Variants in ARHGEF4 observed in about 807,000 individuals in gnomAD.
The protein encoded by ARHGEF4 is APC-stimulated guanine nucleotide exchange factor 1.
ARHGEF4 carries 119 observed loss-of-function variants against 162.0 expected under a neutral mutation model. That is an observed-to-expected ratio of 0.73 (90% CI 0.63 to 0.86). ARHGEF4 has a LOEUF of 0.86. ARHGEF4 is among the 40% of genes least tolerant of loss of function. The probability of loss-of-function intolerance (pLI) is 0.00; values close to 1 mark genes in which losing one functional copy is unlikely to be tolerated. For missense variants in ARHGEF4, 2,488 were observed against 2,456.0 expected (o/e 1.01, Z -0.28); for synonymous variants, 1,014 against 979.9 (o/e 1.03, Z -0.65).
intron 3 of ARHGEF4, among the ~76,000 whole-genome samples, chr2:130,940,308 T>A (rs1412225039): frequency 2.0e-5 from 3 of 152,076 alleles, no homozygotes; most frequent in Admixed American, 6.6e-5. Flanking sequence ...GGAGACACTT[T>A]CCTAAGAATG....
chr2:131,045,975 C>A, intron 13 of ARHGEF4, 63 bp from the exon 14 acceptor site: 2 of 1,559,558 alleles, frequency 1.3e-6, no homozygotes, highest in Admixed American at 3.5e-5. Context: ...ATGCTGTCCC[C>A]AACAGCTGGG....
intron 1 of ARHGEF4, among the ~76,000 whole-genome samples, chr2:130,864,336 A>G (rs1682110428): frequency 6.6e-6 from 1 of 151,354 alleles, no homozygotes; most frequent in Non-Finnish European, 1.5e-5. Context: ...ACCCAGGATC[A>G]GCAGGTCTAT....
intron 1 of ARHGEF4, among the ~76,000 whole-genome samples, chr2:130,874,388 G>A (rs1383582700): frequency 3.9e-5 from 6 of 152,208 alleles, no homozygotes; most frequent in Admixed American, 3.3e-4. Context: ...ACATGGCCAG[G>A]CCCTCCTCAG....
chr2:130,923,238 A>G (rs1019149933), intron 2 of ARHGEF4, among the ~76,000 whole-genome samples: 1 of 152,138 alleles, frequency 6.6e-6, no homozygotes, highest in African/African-American at 2.4e-5. Context: ...GCATAATGAT[A>G]TCTTTTGATG....
chr2:131,011,551 T>A, intron 4 of ARHGEF4: 1 of 1,360,556 alleles, frequency 7.3e-7, no homozygotes, highest in Non-Finnish European at 9.9e-7. Context: ...ACCTCAAGCA[T>A]GTGCTTCCAT....
At chr2:130,990,014 G>A (rs979658225) in intron 4 of ARHGEF4, among the ~76,000 whole-genome samples, 1 of 152,212 alleles carries the variant, frequency 6.6e-6, no homozygotes, top group Non-Finnish European at 1.5e-5. Flanking sequence ...GTAAGGCTGA[G>A]GTCACCATTC....
intron 2 of ARHGEF4, among the ~76,000 whole-genome samples, chr2:130,918,381 C>A (rs1275084529): frequency 1.3e-5 from 2 of 152,228 alleles, no homozygotes; most frequent in African/African-American, 4.8e-5. Context: ...CTCATCCCAG[C>A]TGCCCTTGGA....
chr2:130,883,211 C>T (rs753347632), intron 1 of ARHGEF4, among the ~76,000 whole-genome samples: 8 of 152,098 alleles, frequency 5.3e-5, no homozygotes, highest in Non-Finnish European at 1.0e-4. Flanking sequence ...GGTGGACCCA[C>T]AGCATCTTCT....
At chr2:130,996,756 C>T (rs1687417310) in intron 4 of ARHGEF4, among the ~76,000 whole-genome samples, 1 of 152,150 alleles carries the variant, frequency 6.6e-6, no homozygotes, top group Non-Finnish European at 1.5e-5. Flanking sequence ...AGTATACTCT[C>T]CACCAACAGC....
chr2:131,045,386 C>T lies in ARHGEF4; in HGVS notation c.5419C>T (p.Leu1807=), dbSNP rs149929276. ...DQETGFSITE[L]QRKQAMLNAS... is the part of the protein sequence containing the mutation. ...TTCCTCAGGCTTCTCCATCACTGAA[C>T]TGCAGAGGAAGCAGGCCATGCTGAA... Residue 1807 remains leucine, a synonymous_variant, in exon 13 of 14, where the codon CTG becomes TTG. Coordinates refer to ENST00000409359, the MANE Select transcript of ARHGEF4 (RefSeq NM_001367493.1). 1 of 1,613,198 alleles carries T rather than the reference C, an allele frequency of 6.2e-7. No homozygotes were observed. The highest frequency in any genetic ancestry group is 8.5e-7 in the Non-Finnish European group (1 of 1,179,922).
chr2:131,035,211 G>T (rs1690161880), intron 5 of ARHGEF4: 2 of 1,224,602 alleles, frequency 1.6e-6, no homozygotes, highest in Admixed American at 4.3e-5. Flanking sequence ...CCGTGCTGGC[G>T]CTCCTGGTTC....
intron 4 of ARHGEF4, among the ~76,000 whole-genome samples, chr2:130,966,973 T>A (rs1225353120): frequency 6.6e-6 from 1 of 152,136 alleles, no homozygotes; most frequent in Non-Finnish European, 1.5e-5. Flanking sequence ...ATTTCTCTCT[T>A]AAGGAAGATT....
intron 4 of ARHGEF4, among the ~76,000 whole-genome samples, chr2:130,990,017 C>T (rs1267652756): frequency 6.6e-6 from 1 of 152,204 alleles, no homozygotes; most frequent in African/African-American, 2.4e-5. Flanking sequence ...AGGCTGAGGT[C>T]ACCATTCCAA....
At chr2:130,922,701 A>G (rs1681950952) in intron 2 of ARHGEF4, among the ~76,000 whole-genome samples, 1 of 151,872 alleles carries the variant, frequency 6.6e-6, no homozygotes, top group African/African-American at 2.4e-5. Context: ...GGAGTGAGAT[A>G]TTATGTCTTA....
Position 130,931,173 on chromosome 2 carries a change from G to A in ARHGEF4, c.3774G>A (p.Glu1258=), listed in dbSNP as rs914839675. Residue 1258 remains glutamate (E), a synonymous_variant, in exon 3 of 14, where the codon GAG becomes GAA. Transcript: ENST00000409359. ...SPVSVDDLWL[E]KTQRKKLQKQ... Reference sequence around the variant, plus strand: ...TCAGTGTGGATGACCTGTGGCTGGAGAAGACACAGAGAAAGAAGTTGCAGA... The same window carrying A: ...TCAGTGTGGATGACCTGTGGCTGGAAAAGACACAGAGAAAGAAGTTGCAGA... The A allele has an allele frequency of 6.2e-7, 1 of 1,614,166 alleles. No homozygotes were observed. Among genetic ancestry groups the A allele is most frequent in the Non-Finnish European group, 8.5e-7 (1 of 1,180,004 alleles).
chr2:131,018,862 G>A (rs1688921279), intron 4 of ARHGEF4, among the ~76,000 whole-genome samples: 1 of 152,160 alleles, frequency 6.6e-6, no homozygotes, highest in Non-Finnish European at 1.5e-5. Context: ...TTCCCTCACA[G>A]TGTTAGCACC....
chr2:130,855,224 G>C (rs116465887), intron 1 of ARHGEF4, among the ~76,000 whole-genome samples: 334 of 152,140 alleles, frequency 2.2e-3, no homozygotes, highest in African/African-American at 7.5e-3. Context: ...CATGCCTTAA[G>C]GGTACTGCCA....
At chr2:130,865,989 C>T (rs895246504) in intron 1 of ARHGEF4, among the ~76,000 whole-genome samples, 12 of 152,212 alleles carry the variant, frequency 7.9e-5, no homozygotes, top group Non-Finnish European at 2.9e-5. Context: ...TGCCACATTC[C>T]ACTGTGGACT....
chr2:130,902,527 G>GAATATTGACAGTC (rs1680544427), intron 1 of ARHGEF4, among the ~76,000 whole-genome samples: 1 of 149,890 alleles, frequency 6.7e-6, no homozygotes, highest in Non-Finnish European at 1.5e-5. Context: ...CTGGGAGGCG[G>GAATATTGACAGTC]AGGTTGCAGT....
Sources: allele counts gnomAD v4.1 joint callset (sites outside exome capture counted in the v4.1 genomes callset), GRCh38; gene constraint gnomAD v4.1.1; transcripts MANE v1.5; gene names NCBI Gene and HGNC (gene_info 2026-07-23, HGNC 2026-07-21).